MYH9: variants seen among roughly 807,000 people sequenced by gnomAD.
MYH9 encodes myosin heavy chain 9, also known as myosin-9.
In MYH9, 29 loss-of-function variants were observed where a neutral mutation model predicts 241.9. The observed-to-expected ratio is 0.12, with a 90% confidence interval of 0.09 to 0.16. MYH9 has a LOEUF of 0.16. MYH9 is among the 10% of genes least tolerant of loss of function. The pLI is 1.00. For synonymous variants in MYH9, 1,047 were observed against 1,062.6 expected (o/e 0.99, Z 0.29); for missense variants, 1,803 against 2,595.5 (o/e 0.69, Z 6.63).
chr22:36,309,680 T>C (rs1446543888), intron 14 of MYH9, among the ~76,000 whole-genome samples: 1 of 152,212 alleles, frequency 6.6e-6, no homozygotes, highest in Non-Finnish European at 1.5e-5. Flanking sequence ...AGTACCGTGC[T>C]GGGTTTCAGC....
rs1349012755 is a variant in MYH9, at chr22:36,298,930, G to A, written c.3089C>T (p.Thr1030Ile). Reference sequence around the variant, plus strand: ...CGTCACCCCCTCACCTTCCAAGTCAGTGATCATTGCCTCATGCTTGTTCTT... The same window carrying A: ...CGTCACCCCCTCACCTTCCAAGTCAATGATCATTGCCTCATGCTTGTTCTT... ...KLKNKHEAMI[T>I]DLEERLRREE... The change falls in exon 24 of 41, where the codon ACT becomes ATT. Residue 1030 changes from threonine (T) to isoleucine (I), a missense_variant. Around this residue, in one of 11 missense-constraint regions of MYH9, gnomAD observed 290 missense variants for 360.5 expected, o/e 0.80. Transcript: ENST00000216181. 5 of 1,614,014 alleles carry A rather than the reference G, an allele frequency of 3.1e-6. No individual in the cohort carries two copies. Among genetic ancestry groups the A allele is most frequent in the Non-Finnish European group, 4.2e-6 (5 of 1,179,976 alleles).
chr22:36,368,118 G>A (rs1294530450), intron 1 of MYH9, among the ~76,000 whole-genome samples: 2 of 152,158 alleles, frequency 1.3e-5, no homozygotes, highest in Admixed American at 6.5e-5. Flanking sequence ...CAGGAAATCC[G>A]GCAAATTATT....
At chr22:36,298,666 C>T (rs1345817575) in intron 24 of MYH9, among the ~76,000 whole-genome samples, 2 of 152,214 alleles carry the variant, frequency 1.3e-5, no homozygotes, top group African/African-American at 2.4e-5. Context: ...TCTCTAAACA[C>T]GCTTCATGCA....
intron 24 of MYH9, chr22:36,297,241 C>T: frequency 1.7e-6 from 1 of 583,710 alleles, no homozygotes; most frequent in South Asian, 2.0e-5. Flanking sequence ...CCTTCCCTGC[C>T]AGGAATTAAG....
rs534700968 is a variant in MYH9 at position 36,297,137 on chromosome 22, A to T, written c.3101-123T>A. 3 of 1,132,410 alleles carry T rather than the reference A, an allele frequency of 2.6e-6. No homozygotes were observed. In the South Asian group the frequency reaches 4.0e-5, roughly 15 times the overall value. 70.1% of individuals were successfully genotyped at this position (1,132,410 alleles called of 1,614,324 possible). A position where few individuals can be genotyped will look rare whatever the true frequency, so the allele number is the denominator to read the frequency against. On this transcript the variant is annotated intron_variant, in intron 24 of 40. Transcript: ENST00000216181. ...GTGTCAGGCTTAAAGCATCACAAAC[A>T]CACAGACACTCGCACCCAACTCCTG...
chr22:36,293,468 T>G lies in MYH9; in HGVS notation c.3956A>C (p.Glu1319Ala), dbSNP rs1395865423. 1 of 1,613,428 alleles carries G rather than the reference T, an allele frequency of 6.2e-7. No individual in the cohort carries two copies. The highest frequency in any genetic ancestry group is 1.7e-5 in the Admixed American group (1 of 60,018). ...CAGGCTCAGCTTCTGCCGGTTCTCC[T>G]CCTGCAGCAGCTCCTACTCGCGGGT... The part of the protein sequence containing the change: ...QLQDTQELLQ[E>A]ENRQKLSLST... The change falls in exon 30 of 41, where the codon GAG becomes GCG. Residue 1319 changes from glutamate to alanine, a missense_variant. Coordinates refer to ENST00000216181, the MANE Select transcript of MYH9 (RefSeq NM_002473.6). This position sits in a 1 kb window ranked among gnomAD's most constrained non-coding sequence, Gnocchi z 5.1.
chr22:36,319,784 C>T (rs2017220608), intron 9 of MYH9, 149 bp from the exon 10 acceptor site: 6 of 809,632 alleles, frequency 7.4e-6, no homozygotes, highest in South Asian at 2.9e-5. Context: ...GCCAGGTCTG[C>T]GTCTAACGGT....
rs999888134 is a variant in MYH9 at position 36,281,891 on chromosome 22, T to C, written c.*777A>G. 3 of 231,228 alleles carry C rather than the reference T, an allele frequency of 1.3e-5. No homozygotes were observed. The highest frequency in any genetic ancestry group is 2.2e-5 in the African/African-American group (1 of 45,174). The allele number at this position is 231,228 out of a possible 1,614,324, so 14.3% of individuals were successfully genotyped here. A position where few individuals can be genotyped will look rare whatever the true frequency, so the allele number is the denominator to read the frequency against. ...AAATATATTTGGTCCCCAAGAGTGTTGGGAGAAGCCACTGGAAGGCTGCTG... is the reference window on the plus strand; with the variant it reads ...AAATATATTTGGTCCCCAAGAGTGTCGGGAGAAGCCACTGGAAGGCTGCTG... On this transcript the variant is annotated 3_prime_UTR_variant, in exon 41 of 41. Coordinates refer to ENST00000216181, the MANE Select transcript of MYH9 (RefSeq NM_002473.6).
chr22:36,289,253 C>T lies in MYH9; in HGVS notation c.4389G>A (p.Glu1463=). Residue 1463 remains glutamate, a synonymous_variant, in exon 32 of 41, where the codon GAG becomes GAA. Coordinates refer to ENST00000216181, the MANE Select transcript of MYH9 (RefSeq NM_002473.6). The part of the protein sequence containing the change: ...EKTISAKYAE[E]RDRAEAEARE... Reference sequence around the variant, plus strand: ...GGGCCTCCGCCTCAGCCCGGTCGCGCTCCTCTGCATACTTGGCAGAGATGG... The same window carrying T: ...GGGCCTCCGCCTCAGCCCGGTCGCGTTCCTCTGCATACTTGGCAGAGATGG... 1 of 1,612,790 alleles carries T rather than the reference C, an allele frequency of 6.2e-7. No homozygotes were observed. Among genetic ancestry groups the T allele is most frequent in the Non-Finnish European group, 8.5e-7 (1 of 1,179,978 alleles).
intron 3 of MYH9, among the ~76,000 whole-genome samples, chr22:36,335,445 G>A (rs2017483807): frequency 6.6e-6 from 1 of 152,250 alleles, no homozygotes; most frequent in Non-Finnish European, 1.5e-5. Context: ...GTGCATTCCT[G>A]CTTCAGCAGA....
intron 31 of MYH9, among the ~76,000 whole-genome samples, chr22:36,289,536 T>C (rs2016651742): frequency 6.6e-6 from 1 of 152,228 alleles, no homozygotes; most frequent in South Asian, 2.1e-4. Flanking sequence ...TAACGTCTGT[T>C]TAATTTTCAT....
At chr22:36,309,560 G>T (rs995436712) in intron 14 of MYH9, among the ~76,000 whole-genome samples, 164 bp from the exon 15 acceptor site, 2 of 152,188 alleles carry the variant, frequency 1.3e-5, no homozygotes, top group African/African-American at 4.8e-5. Context: ...AGGATAAGGG[G>T]AGCGAGGCAT....
rs1603482952 is a variant in MYH9, at chr22:36,295,644, G to A, written c.3346C>T (p.Leu1116Phe). ...CGCTCAGACTCCAGGTCTTCCTGGA[G>A]TTCAGAGATCTGAGATTCCAGCTCC... The part of the protein sequence containing the change: ...IRELESQISE[L>F]QEDLESERAS... Residue 1116 changes from leucine (L) to phenylalanine (F), a missense_variant, in exon 26 of 41, where the codon CTC (leucine) becomes TTC (phenylalanine). Transcript: ENST00000216181. This position sits in a 1 kb window ranked among gnomAD's most constrained non-coding sequence, Gnocchi z 4.1. 6.2e-7 allele frequency: 1 copy of A among 1,613,944 alleles called. No individual in the cohort carries two copies. Among genetic ancestry groups the A allele is most frequent in the Non-Finnish European group, 8.5e-7 (1 of 1,180,020 alleles).
At chr22:36,314,972 T>C (rs748786730) in intron 12 of MYH9, among the ~76,000 whole-genome samples, 2 of 152,068 alleles carry the variant, frequency 1.3e-5, no homozygotes, top group African/African-American at 4.8e-5. Context: ...ATTGAAGAGA[T>C]GGGGCCTTGC....
Position 36,320,821 on chromosome 22 carries a change from G to C in MYH9, c.845C>G (p.Ser282Cys). Reference sequence around the variant, plus strand: ...ACTCTTCAGGTGCTCTCCAGCCCCAGACAGGAGATAATAGAAGATGTGGAA... The same window carrying C: ...ACTCTTCAGGTGCTCTCCAGCCCCACACAGGAGATAATAGAAGATGTGGAA... ...RTFHIFYYLL[S>C]GAGEHLKTDL... The change falls in exon 8 of 41, where the codon TCT becomes TGT. Residue 282 changes from serine (S) to cysteine (C), a missense_variant. By Grantham distance (112) the Ser-to-Cys change is moderately radical (BLOSUM62 -1). Transcript: ENST00000216181. The surrounding 1 kb of genome is among the most constrained non-coding windows in gnomAD (Gnocchi z 4.8). The C allele has an allele frequency of 6.2e-7, 1 of 1,614,100 alleles. No individual in the cohort carries two copies. The highest frequency in any genetic ancestry group is 8.5e-7 in the Non-Finnish European group (1 of 1,179,958).
chr22:36,289,028 C>A (rs1042220703), intron 32 of MYH9, 57 bp downstream of exon 32: 1 of 1,613,060 alleles, frequency 6.2e-7, no homozygotes, highest in African/African-American at 1.3e-5. Context: ...CACCGACCCT[C>A]TGTGATGACC....
intron 3 of MYH9, among the ~76,000 whole-genome samples, chr22:36,337,596 C>T (rs971731866): frequency 2.0e-5 from 3 of 152,212 alleles, no homozygotes; most frequent in African/African-American, 7.2e-5. Context: ...AGAATAAATG[C>T]TAGTATGTCA....
intron 3 of MYH9, among the ~76,000 whole-genome samples, chr22:36,328,181 T>C (rs2017365781): frequency 6.6e-6 from 1 of 152,250 alleles, no homozygotes; most frequent in Admixed American, 6.5e-5. Flanking sequence ...CAGCTTCTGA[T>C]GGGTTTCTGT....
chr22:36,286,193 G>A (rs2016577313), intron 35 of MYH9: 3 of 610,312 alleles, frequency 4.9e-6, no homozygotes, highest in Non-Finnish European at 8.8e-6. Flanking sequence ...CCAGGGTATG[G>A]CGATAAGTAA....
Sources: allele counts gnomAD v4.1 joint callset (sites outside exome capture counted in the v4.1 genomes callset), GRCh38; gene constraint gnomAD v4.1.1; regional missense constraint gnomAD v4.1.1; non-coding constraint Gnocchi (gnomAD v3.1); transcripts MANE v1.5; gene names NCBI Gene and HGNC (gene_info 2026-07-23, HGNC 2026-07-21).